Variants in CDK14 observed in about 807,000 individuals in gnomAD.
CDK14 encodes the protein cyclin dependent kinase 14.
A neutral mutation model predicts 60.7 loss-of-function variants in CDK14; 34 were observed. That is an observed-to-expected ratio of 0.56 (90% CI 0.43 to 0.75). The LOEUF (loss-of-function observed/expected upper bound fraction) is 0.75. Ranked by LOEUF, CDK14 falls within the 30% of genes least tolerant of loss-of-function variation. The probability of loss-of-function intolerance (pLI) is 0.00; values close to 1 mark genes in which losing one functional copy is unlikely to be tolerated. For synonymous variants in CDK14, 197 were observed against 203.7 expected (o/e 0.97, Z 0.28); for missense variants, 482 against 564.1 (o/e 0.85, Z 1.47).
At chr7:91,131,652 T>C (rs891771959) in intron 14 of CDK14, among the ~76,000 whole-genome samples, 1 of 152,144 alleles carries the variant, frequency 6.6e-6, no homozygotes, top group Non-Finnish European at 1.5e-5. Context: ...GTTCCAGCCT[T>C]TGACTCAGGA....
chr7:90,601,751 A>G (rs765674475), intron 1 of CDK14, among the ~76,000 whole-genome samples: 6 of 151,904 alleles, frequency 3.9e-5, no homozygotes, highest in Admixed American at 6.6e-5. Context: ...AAGGGATAGT[A>G]TCTTTTTTTT....
chr7:90,824,468 G>A (rs1476793320), intron 5 of CDK14: 1 of 152,218 alleles, frequency 6.6e-6, no homozygotes, highest in Non-Finnish European at 1.5e-5. Context: ...TCAGGAAGCT[G>A]TGAGTCAGTT....
At chr7:90,913,996 A>G (rs530102292) in intron 7 of CDK14, among the ~76,000 whole-genome samples, 44 of 152,236 alleles carry the variant, frequency 2.9e-4, no homozygotes, top group Middle Eastern at 3.4e-3. Context: ...CCAGCATAAA[A>G]GTTTTCTAAT....
intron 11 of CDK14, among the ~76,000 whole-genome samples, chr7:91,064,021 A>T (rs1448607599): frequency 6.6e-6 from 1 of 152,210 alleles, no homozygotes; most frequent in Non-Finnish European, 1.5e-5. Flanking sequence ...AAACTGAGGC[A>T]TGGAATGATT....
chr7:90,977,207 G>A (rs773451388), intron 9 of CDK14, among the ~76,000 whole-genome samples: 9 of 152,210 alleles, frequency 5.9e-5, no homozygotes, highest in Non-Finnish European at 8.8e-5. Context: ...TCCCTTGAGT[G>A]TTCTTGGCAC....
intron 4 of CDK14, among the ~76,000 whole-genome samples, chr7:90,766,175 G>A (rs1055605723): frequency 1.3e-5 from 2 of 151,446 alleles, no homozygotes; most frequent in African/African-American, 2.4e-5. Flanking sequence ...GATACTAGTT[G>A]TGATTTTTTT....
At chr7:90,697,005 G>T (rs928876003) in intron 2 of CDK14, among the ~76,000 whole-genome samples, 1 of 152,182 alleles carries the variant, frequency 6.6e-6, no homozygotes, top group African/African-American at 2.4e-5. Context: ...TATTGCCATT[G>T]AGGAGGCTTG....
chr7:90,874,779 C>A (rs577133921), intron 6 of CDK14, among the ~76,000 whole-genome samples: 1 of 151,614 alleles, frequency 6.6e-6, no homozygotes, highest in African/African-American at 2.4e-5. Flanking sequence ...CCATCCGCCT[C>A]GGCCTCCCAA....
chr7:90,600,184 T>G (rs1245365101), intron 1 of CDK14, among the ~76,000 whole-genome samples: 1 of 152,234 alleles, frequency 6.6e-6, no homozygotes, highest in Non-Finnish European at 1.5e-5. Flanking sequence ...TACTAAATAG[T>G]GTCAGCGTGG....
chr7:91,090,547 C>T (rs1237185012), intron 12 of CDK14, among the ~76,000 whole-genome samples: 3 of 152,116 alleles, frequency 2.0e-5, no homozygotes, highest in African/African-American at 7.2e-5. Flanking sequence ...CAAGATAGAA[C>T]ATAACTTCTG....
chr7:90,996,249 C>CT (rs376682634), intron 10 of CDK14, among the ~76,000 whole-genome samples: 1 of 152,290 alleles, frequency 6.6e-6, no homozygotes, highest in African/African-American at 2.4e-5. Flanking sequence ...GATTGACACT[C>CT]TGTTTTCCAC....
intron 9 of CDK14, among the ~76,000 whole-genome samples, chr7:90,966,989 G>T (rs767393827): frequency 2.0e-5 from 3 of 151,872 alleles, no homozygotes; most frequent in South Asian, 4.2e-4. Flanking sequence ...TGACACTTTG[G>T]TCACTTGGGA....
At chr7:90,919,969 G>T (rs1655330174) in intron 8 of CDK14, among the ~76,000 whole-genome samples, 1 of 152,248 alleles carries the variant, frequency 6.6e-6, no homozygotes, top group African/African-American at 2.4e-5. Context: ...GGACTGAATT[G>T]TCCAGCTTGG....
intron 8 of CDK14, among the ~76,000 whole-genome samples, chr7:90,924,127 A>G (rs146913573): frequency 6.6e-6 from 1 of 152,346 alleles, no homozygotes; most frequent in African/African-American, 2.4e-5. Context: ...TATAGAGGCT[A>G]AGTCCAAGGT....
intron 10 of CDK14, among the ~76,000 whole-genome samples, chr7:91,017,581 G>A (rs1390880872): frequency 2.0e-5 from 3 of 152,114 alleles, no homozygotes; most frequent in African/African-American, 7.2e-5. Flanking sequence ...TGGTGGTGCT[G>A]CCTGAATGAT....
intron 5 of CDK14, among the ~76,000 whole-genome samples, chr7:90,839,250 A>G (rs2117138714): frequency 6.6e-6 from 1 of 152,322 alleles, no homozygotes; most frequent in South Asian, 2.1e-4. Flanking sequence ...AAATGAATCA[A>G]GTCTCAGTGG....
intron 5 of CDK14, among the ~76,000 whole-genome samples, chr7:90,856,013 G>A (rs1044615965): frequency 6.6e-5 from 10 of 152,200 alleles, no homozygotes; most frequent in Non-Finnish European, 1.5e-5. Context: ...GAAGTGTGTA[G>A]TGGGATTGAA....
chr7:91,197,921 A>G (rs928493216), intron 14 of CDK14, among the ~76,000 whole-genome samples: 1 of 152,184 alleles, frequency 6.6e-6, no homozygotes, highest in African/African-American at 2.4e-5. Context: ...GCTTCCACGG[A>G]TGAATTCAGT....
At chr7:91,061,857 T>A (rs937121620) in intron 11 of CDK14, among the ~76,000 whole-genome samples, 1 of 152,228 alleles carries the variant, frequency 6.6e-6, no homozygotes, top group Non-Finnish European at 1.5e-5. Context: ...AGGGACCCAC[T>A]TGAGGAGGCA....
Sources: allele counts gnomAD v4.1 joint callset (sites outside exome capture counted in the v4.1 genomes callset), GRCh38; gene constraint gnomAD v4.1.1; transcripts MANE v1.5; gene names NCBI Gene and HGNC (gene_info 2026-07-23, HGNC 2026-07-21).